Variants in UMOD observed in about 807,000 individuals in gnomAD.
The protein encoded by UMOD is Tamm-Horsfall urinary glycoprotein.
UMOD carries 64 observed loss-of-function variants against 66.0 expected under a neutral mutation model. That is an observed-to-expected ratio of 0.97 (90% CI 0.79 to 1.19). UMOD has a LOEUF of 1.19. UMOD is among the 50% of genes most tolerant of loss of function. The probability of loss-of-function intolerance (pLI) is 0.00; values close to 1 mark genes in which losing one functional copy is unlikely to be tolerated. For synonymous variants in UMOD, 398 were observed against 352.7 expected (o/e 1.13, Z -1.44); for missense variants, 764 against 850.9 (o/e 0.90, Z 1.27).
intron 1 of UMOD, among the ~76,000 whole-genome samples, chr16:20,352,015 C>CT (rs1438993850): frequency 2.1e-5 from 3 of 141,138 alleles, no homozygotes; most frequent in African/African-American, 5.7e-5. Flanking sequence ...GTCCATCCCC[C>CT]CCCCCCAAAA....
In UMOD at chr16:20,341,272, G is replaced by A. The variant is rs1347877033; in HGVS notation, c.1396C>T (p.Pro466Ser). Residue 466 changes from proline to serine, a missense_variant, in exon 7 of 11, where the codon CCT (proline) becomes TCT (serine). By Grantham distance (74) the Pro-to-Ser change is moderately conservative (BLOSUM62 -1). Coordinates refer to ENST00000396138, the MANE Select transcript of UMOD (RefSeq NM_003361.4). The part of the protein sequence containing the change: ...FTVRMALFQT[P>S]SYTQPYQGSS... ...CCTTGGTAGGGCTGCGTGTAGGAAG[G>A]GGTCTGGAAGAGCGCCATCCGCACG... The A allele has an allele frequency of 5.0e-6, 8 of 1,614,074 alleles. No individual in the cohort carries two copies. The South Asian group carries it at 7.7e-5, about 16-fold the overall frequency.
intron 6 of UMOD, among the ~76,000 whole-genome samples, chr16:20,343,567 A>G (rs927592960): frequency 6.6e-6 from 1 of 152,222 alleles, no homozygotes; most frequent in Non-Finnish European, 1.5e-5. Context: ...AATCATCTAC[A>G]TCAGTTTAAT....
At chr16:20,349,812 T>C in intron 2 of UMOD, 1 of 1,550,284 alleles carries the variant, frequency 6.5e-7, no homozygotes, top group Non-Finnish European at 8.7e-7. Flanking sequence ...CTGCTCAGTG[T>C]CGCCTCCTCT....
In UMOD at chr16:20,346,177, C is replaced by A; in HGVS notation, c.1131G>T (p.Trp377Cys). ...CCCGGGCTGGGGTCACTACAGACAC[C>A]CAGTCCCGGTTGTCTCTGTCATTGA... ...SGFNDRDNRD[W>C]VSVVTPARDG... The change falls in exon 5 of 11, where the codon TGG (tryptophan) becomes TGT (cysteine). Residue 377 changes from tryptophan to cysteine, a missense_variant. Coordinates refer to ENST00000396138, the MANE Select transcript of UMOD (RefSeq NM_003361.4). The A allele has an allele frequency of 1.2e-6, 2 of 1,614,202 alleles. No homozygotes were observed. Among genetic ancestry groups the A allele is most frequent in the Non-Finnish European group, 1.7e-6 (2 of 1,180,046 alleles).
intron 6 of UMOD, among the ~76,000 whole-genome samples, chr16:20,343,791 T>G (rs1463165192): frequency 6.6e-6 from 1 of 152,216 alleles, no homozygotes; most frequent in Non-Finnish European, 1.5e-5. Flanking sequence ...AGCTGGGGCT[T>G]GAACCAGGCA....
rs147846395 is a variant in UMOD, at chr16:20,343,129, CAATA to C, written c.1331+891_1331+894del. ...TGGGCGACAGTACGAGACTCCGTCT[CAATA>C]AATAAATAAATAAATAAATAAATAA... On this transcript the variant is annotated intron_variant, in intron 6 of 10. Transcript: ENST00000396138. Among the ~76,000 whole-genome samples the C allele has an allele frequency of 7.1e-4, 82 of 115,886 alleles. 1 individual carries two copies. The highest frequency in any genetic ancestry group is 1.3e-3 in the African/African-American group (47 of 36,654). The allele number at this position is 115,886 out of a possible 152,430, so 76.0% of individuals were successfully genotyped here. A position where few individuals can be genotyped will look rare whatever the true frequency, so the allele number is the denominator to read the frequency against.
rs145197770 is a variant in UMOD, at chr16:20,342,777, T to C, written c.1331+1247A>G. Among the ~76,000 whole-genome samples, 116 of 152,278 alleles carry C rather than the reference T, an allele frequency of 7.6e-4. 3 individuals are homozygous for C. In the East Asian group the frequency reaches 0.02, roughly 27 times the overall value. On this transcript the variant is annotated intron_variant, in intron 6 of 10. Coordinates refer to ENST00000396138, the MANE Select transcript of UMOD (RefSeq NM_003361.4). ...TCCTAGGGCTGCTGTAAGAGTTTGA[T>C]GAGATGTTCCAGGCAGAACACTGGC...
chr16:20,346,926 A>T (rs9928003), intron 4 of UMOD, among the ~76,000 whole-genome samples: 4 of 151,970 alleles, frequency 2.6e-5, no homozygotes, highest in South Asian at 2.1e-4. Context: ...AAAGCAAGCA[A>T]GCTGCAATTA....
chr16:20,349,891 T>TAA (rs34234553), intron 2 of UMOD: 3,594 of 1,253,328 alleles, frequency 2.9e-3, no homozygotes, highest in East Asian at 8.1e-3. Flanking sequence ...AAATAACCAT[T>TAA]AAAAAAAAAA....
rs187444160 is a variant in UMOD, at chr16:20,352,018, C to A, written c.-103+671G>T. 2.1e-3 allele frequency among the ~76,000 whole-genome samples: 300 copies of A among 141,470 alleles called. 2 individuals are homozygous for A. The highest frequency in any genetic ancestry group is 3.4e-3 in the Middle Eastern group (1 of 290). 92.8% of individuals were successfully genotyped at this position (141,470 alleles called of 152,430 possible). ...GGGTGACAGAGAGTCCATCCCCCCC[C>A]CCCAAAAAAAAAAAGACAGAAAGAA... On this transcript the variant is annotated intron_variant, in intron 1 of 10. Transcript: ENST00000396138.
intron 2 of UMOD, chr16:20,349,935 C>T: frequency 1.3e-6 from 2 of 1,484,698 alleles, no homozygotes; most frequent in African/African-American, 1.4e-5. Context: ...TTACTATATG[C>T]CAGGCAATAG....
upstream of UMOD, among the ~76,000 whole-genome samples, chr16:20,354,681 A>G (rs1966004994): frequency 6.6e-6 from 1 of 151,896 alleles, no homozygotes; most frequent in Non-Finnish European, 1.5e-5. Context: ...GAAAATGGGG[A>G]GTTTGGGTTG....
chr16:20,344,160 GGGTTTCATTCCTC>G lies in UMOD; in HGVS notation c.1183-1_1194del. 1.9e-6 allele frequency: 3 copies of G among 1,613,180 alleles called. No individual in the cohort carries two copies. Among genetic ancestry groups the G allele is most frequent in the Non-Finnish European group, 2.5e-6 (3 of 1,179,634 alleles). On this transcript the variant is annotated splice_acceptor_variant and coding_sequence_variant, in exon 6 of 11. Coordinates refer to ENST00000396138, the MANE Select transcript of UMOD (RefSeq NM_003361.4). LOFTEE classifies it high-confidence loss of function. ...TAGAGGGTGTTGCTGTAAGTGGCAT[GGGTTTCATTCCTC>G]TGTTGCAGGGAATGGGGGTGGAGGG...
chr16:20,337,491 A>G (rs752399429), intron 7 of UMOD, 38 bp from the exon 8 acceptor site: 49 of 1,613,716 alleles, frequency 3.0e-5, no homozygotes, highest in Non-Finnish European at 4.1e-5. Flanking sequence ...GGTTGGTTAA[A>G]TAAAGATTCT....
intron 6 of UMOD, among the ~76,000 whole-genome samples, chr16:20,342,114 G>A (rs1365274039): frequency 6.6e-6 from 1 of 152,210 alleles, no homozygotes; most frequent in South Asian, 2.1e-4. Flanking sequence ...GGAGGCATAC[G>A]CAGGAGGATC....
chr16:20,349,035 G>GA lies in UMOD; in HGVS notation c.265dup (p.Ser89PhefsTer23), dbSNP rs1965756161. The GA allele has an allele frequency of 6.3e-7, 1 of 1,597,614 alleles. No individual in the cohort carries two copies. The highest frequency in any genetic ancestry group is 2.3e-5 in the East Asian group (1 of 43,834). On this transcript the variant is annotated frameshift_variant, in exon 3 of 11. Transcript: ENST00000396138. LOFTEE classifies it high-confidence loss of function. ...GCCTTCGGGGCAGACGCAGGAGAAGGAGCCTGGCGTGTTTACGCAGCTGCT... is the reference window on the plus strand; with the variant it reads ...GCCTTCGGGGCAGACGCAGGAGAAGGAAGCCTGGCGTGTTTACGCAGCTGCT...
intron 7 of UMOD, among the ~76,000 whole-genome samples, 197 bp downstream of exon 7, chr16:20,340,894 T>C (rs1293599331): frequency 6.6e-6 from 1 of 150,458 alleles, no homozygotes; most frequent in Non-Finnish European, 1.5e-5. Flanking sequence ...CTTGGGAGGC[T>C]GAGGCAGAAG....
In UMOD at chr16:20,346,324, G is replaced by A. The variant is rs774470455; in HGVS notation, c.984C>T (p.Leu328=). 1.2e-6 allele frequency: 2 copies of A among 1,614,226 alleles called. No individual in the cohort carries two copies. Among genetic ancestry groups the A allele is most frequent in the East Asian group, 2.2e-5 (1 of 44,888 alleles). The change falls in exon 5 of 11, where the codon CTC becomes CTT. Residue 328 remains leucine (L), a synonymous_variant. Transcript: ENST00000396138. ...KQDFNITDIS[L]LEHRLECGAN... ...CCCCACATTCCAGCCTGTGCTCCAG[G>A]AGGGAGATATCTGAAACAGGTTAGG...
chr16:20,350,992 CT>C, intron 1 of UMOD, 153 bp from the exon 2 acceptor site: 1 of 676,250 alleles, frequency 1.5e-6, no homozygotes, highest in Non-Finnish European at 2.3e-6. Flanking sequence ...TTTGCTGGGA[CT>C]TTACCCCTTG....
Sources: allele counts gnomAD v4.1 joint callset (sites outside exome capture counted in the v4.1 genomes callset), GRCh38; gene constraint gnomAD v4.1.1; transcripts MANE v1.5; gene names NCBI Gene and HGNC (gene_info 2026-07-23, HGNC 2026-07-21).